The following ODAD2 variants were observed in gnomAD, a reference collection of about 807,000 sequenced individuals.
ODAD2 encodes outer dynein arm docking complex subunit 2.
ODAD2 carries 89 observed loss-of-function variants against 106.8 expected under a neutral mutation model. The ratio of observed to expected loss-of-function variants is 0.83; its 90% CI spans 0.70 to 0.99. ODAD2 has a LOEUF of 0.99. Ranked by LOEUF, ODAD2 falls within the 50% of genes least tolerant of loss-of-function variation. The pLI, the probability that ODAD2 is intolerant of heterozygous loss-of-function variation, is 0.00. For missense variants in ODAD2, 1,168 were observed against 1,238.5 expected, an observed-to-expected ratio of 0.94 and a Z score of 0.85; for synonymous variants, 404 against 436.2, an observed-to-expected ratio of 0.93 and a Z score of 0.92.
At chr10:27,846,044 A>G (rs1333694454) in intron 19 of ODAD2, among the ~76,000 whole-genome samples, 2 of 152,290 alleles carry the variant, frequency 1.3e-5, no homozygotes, top group East Asian at 1.9e-4. Flanking sequence ...GATATCCAGG[A>G]ATTGAACTCA....
At chr10:27,894,838 C>T (rs1831566828) in intron 17 of ODAD2, among the ~76,000 whole-genome samples, 2 of 152,048 alleles carry the variant, frequency 1.3e-5, no homozygotes, top group Non-Finnish European at 2.9e-5. Flanking sequence ...GTTCTGGGGT[C>T]ACAGGTGTGA....
intron 10 of ODAD2, among the ~76,000 whole-genome samples, chr10:27,946,692 T>A (rs1294771803): frequency 1.3e-5 from 2 of 152,196 alleles, no homozygotes; most frequent in Non-Finnish European, 2.9e-5. Flanking sequence ...CCATGTCTTA[T>A]ATATAATAGG....
At chr10:27,869,826 T>C (rs1840727502) in intron 17 of ODAD2, among the ~76,000 whole-genome samples, 1 of 152,088 alleles carries the variant, frequency 6.6e-6, no homozygotes. Flanking sequence ...TGAGCCACCA[T>C]GCCTGGCCGA....
intron 19 of ODAD2, among the ~76,000 whole-genome samples, chr10:27,851,628 T>C (rs1162988341): frequency 6.6e-6 from 1 of 151,846 alleles, no homozygotes; most frequent in Non-Finnish European, 1.5e-5. Flanking sequence ...AATCCTAATT[T>C]AAAACACAGA....
intron 19 of ODAD2, among the ~76,000 whole-genome samples, chr10:27,826,268 T>C (rs566230965): frequency 1.6e-4 from 24 of 152,322 alleles, no homozygotes; most frequent in Middle Eastern, 3.4e-3. Context: ...TCTTCTCCTA[T>C]AGTGATATTA....
At chr10:27,997,734 A>G (rs747966291) in intron 1 of ODAD2, among the ~76,000 whole-genome samples, 3 of 152,202 alleles carry the variant, frequency 2.0e-5, no homozygotes, top group Non-Finnish European at 2.9e-5. Context: ...AAATAAATAA[A>G]TAAATGGTGT....
intron 19 of ODAD2, among the ~76,000 whole-genome samples, chr10:27,837,973 G>A (rs778504521): frequency 1.1e-4 from 16 of 152,014 alleles, no homozygotes; most frequent in Non-Finnish European, 1.0e-4. Context: ...ACCCCACGGC[G>A]ATGGATTGGG....
At chr10:27,916,232 A>G (rs1267718314) in intron 16 of ODAD2, among the ~76,000 whole-genome samples, 2 of 152,176 alleles carry the variant, frequency 1.3e-5, no homozygotes, top group Middle Eastern at 3.4e-3. Flanking sequence ...AGGAGGGCAG[A>G]CATACTAGGG....
intron 19 of ODAD2, among the ~76,000 whole-genome samples, chr10:27,823,296 A>G (rs572470779): frequency 2.0e-4 from 31 of 152,206 alleles, no homozygotes; most frequent in Non-Finnish European, 3.4e-4. Flanking sequence ...AAAAAAATCT[A>G]TGTGGATAAG....
chr10:27,920,920 T>C (rs968470101), intron 16 of ODAD2, among the ~76,000 whole-genome samples: 4 of 151,736 alleles, frequency 2.6e-5, no homozygotes, highest in Middle Eastern at 3.2e-3. Context: ...AGAGAGGAAA[T>C]TTAGAGTTAC....
rs1848811591 is a variant in ODAD2, at chr10:27,970,972, A to C, written c.1142+136T>G. 1.7e-5 allele frequency: 3 copies of C among 177,316 alleles called. No homozygotes were observed. In the South Asian group the frequency reaches 7.0e-4, roughly 42 times the overall value. 11.0% of individuals were successfully genotyped at this position (177,316 alleles called of 1,614,324 possible). A position where few individuals can be genotyped will look rare whatever the true frequency, so the allele number is the denominator to read the frequency against. ...GGGCAACAGAGCAAGACTCCATCTT[A>C]AATAAATAAATAAATAAATAAATAA... On this transcript the variant is annotated intron_variant, in intron 8 of 19. Transcript: ENST00000305242.
intron 19 of ODAD2, among the ~76,000 whole-genome samples, chr10:27,818,096 T>C (rs1159892087): frequency 2.6e-5 from 4 of 151,436 alleles, no homozygotes; most frequent in African/African-American, 4.9e-5. Context: ...TACCAAATAA[T>C]TGAATGTGAG....
chr10:27,945,093 A>G (rs932433598), intron 10 of ODAD2, 131 bp from the exon 11 acceptor site: 33 of 1,038,946 alleles, frequency 3.2e-5, no homozygotes, highest in Non-Finnish European at 4.4e-5. Context: ...TGAATCAGGT[A>G]GAGCCGAAGC....
chr10:27,865,773 C>CAAACT (rs1196059397), intron 17 of ODAD2, among the ~76,000 whole-genome samples: 5 of 152,154 alleles, frequency 3.3e-5, no homozygotes, highest in African/African-American at 1.2e-4. Context: ...TACAACAAAC[C>CAAACT]AAACTAAACT....
intron 17 of ODAD2, among the ~76,000 whole-genome samples, chr10:27,883,629 C>T (rs12356262): frequency 0.026 from 3,956 of 151,924 alleles, 65 homozygotes; most frequent in Middle Eastern, 0.048. Flanking sequence ...AACATATTTG[C>T]GAAACTAAAG....
In ODAD2 at chr10:27,904,212, G is replaced by A. The variant is rs562115444; in HGVS notation, c.2610+3451C>T. 24 of 360,540 alleles carry A rather than the reference G, an allele frequency of 6.7e-5. 1 individual carries two copies. The highest frequency in any genetic ancestry group is 5.6e-4 in the South Asian group (22 of 39,532). The allele number at this position is 360,540 out of a possible 1,614,324, so 22.3% of individuals were successfully genotyped here. A position where few individuals can be genotyped will look rare whatever the true frequency, so the allele number is the denominator to read the frequency against. ...CACGTGATAGGGCTCCTGCAATGTG[G>A]TGCACATTCCTAAAGCCTTCCAGAC... On this transcript the variant is annotated intron_variant, in intron 17 of 19. Coordinates refer to ENST00000305242, the MANE Select transcript of ODAD2 (RefSeq NM_018076.5).
intron 17 of ODAD2, among the ~76,000 whole-genome samples, chr10:27,883,174 G>A (rs1841862443): frequency 6.6e-6 from 1 of 151,924 alleles, no homozygotes; most frequent in Non-Finnish European, 1.5e-5. Context: ...AGTGAAGTCT[G>A]AGAGTTGTAA....
chr10:27,882,586 C>T (rs975806209), intron 17 of ODAD2, among the ~76,000 whole-genome samples: 2 of 152,136 alleles, frequency 1.3e-5, no homozygotes, highest in Admixed American at 1.3e-4. Flanking sequence ...CAACAAACAG[C>T]ATCTATTCAA....
chr10:27,923,994 GAAA>G (rs1564508983), intron 16 of ODAD2, among the ~76,000 whole-genome samples: 7 of 128,222 alleles, frequency 5.5e-5, no homozygotes, highest in African/African-American at 2.0e-4. Context: ...AAGAAAGAAA[GAAA>G]GAAAGAAAGA....
Sources: allele counts gnomAD v4.1 joint callset (sites outside exome capture counted in the v4.1 genomes callset), GRCh38; gene constraint gnomAD v4.1.1; transcripts MANE v1.5; gene names NCBI Gene and HGNC (gene_info 2026-07-23, HGNC 2026-07-21).